RBFOX2: variants seen among roughly 807,000 people sequenced by gnomAD.
RBFOX2 encodes the protein RNA binding fox-1 homolog 2, also known as RNA binding protein fox-1 homolog 2.
RBFOX2 carries 10 observed loss-of-function variants against 49.1 expected under a neutral mutation model. The observed-to-expected ratio is 0.20, with a 90% CI of 0.13 to 0.35. The LOEUF is 0.35. RBFOX2 is among the 10% of genes least tolerant of loss of function. The pLI, the probability that RBFOX2 is intolerant of heterozygous loss-of-function variation, is 1.00. For synonymous variants in RBFOX2, 183 were observed against 187.4 expected (o/e 0.98, Z 0.19); for missense variants, 323 against 486.9 (o/e 0.66, Z 3.17).
At chr22:35,963,057 A>G (rs1183234553), upstream of RBFOX2, among the ~76,000 whole-genome samples, 3 of 125,340 alleles carry the variant, frequency 2.4e-5, no homozygotes, top group Admixed American at 1.6e-4. Context: ...CCAACTCTCC[A>G]GCAAAAAAAA....
At chr22:35,863,989 G>A (rs555437545) in intron 1 of RBFOX2, among the ~76,000 whole-genome samples, 54 of 152,150 alleles carry the variant, frequency 3.5e-4, no homozygotes, top group African/African-American at 1.2e-3. Flanking sequence ...TTAGATCCTG[G>A]TAAAAACTTC....
intron 1 of RBFOX2, among the ~76,000 whole-genome samples, chr22:35,837,177 T>C (rs1419118197): frequency 1.3e-5 from 2 of 152,182 alleles, no homozygotes; most frequent in Non-Finnish European, 1.5e-5. Flanking sequence ...GTAGAGCATA[T>C]GTAATAATAA....
At chr22:35,919,837 T>C (rs2149577977) in intron 1 of RBFOX2, among the ~76,000 whole-genome samples, 1 of 152,358 alleles carries the variant, frequency 6.6e-6, no homozygotes, top group African/African-American at 2.4e-5. Context: ...AATGATTCAC[T>C]TTGCTATTCC....
At chr22:35,950,218 A>G (rs114880804) in intron 1 of RBFOX2, among the ~76,000 whole-genome samples, 48 of 150,854 alleles carry the variant, frequency 3.2e-4, no homozygotes, top group African/African-American at 1.1e-3. Flanking sequence ...TTAAACATCC[A>G]TTCCATCTAT....
upstream of RBFOX2, among the ~76,000 whole-genome samples, chr22:35,939,748 C>T (rs1006836297): frequency 2.0e-5 from 3 of 152,234 alleles, no homozygotes; most frequent in Middle Eastern, 3.4e-3. Context: ...GGTCATATAA[C>T]ATGAACACTC....
At chr22:35,999,406 A>T (rs1016635901) in intron 1 of RBFOX2, 2 of 149,910 alleles carry the variant, frequency 1.3e-5, no homozygotes, top group African/African-American at 4.9e-5. Flanking sequence ...AAAAAAATTT[A>T]GAACTAGCCA....
intron 1 of RBFOX2, among the ~76,000 whole-genome samples, chr22:35,835,852 C>G (rs945525774): frequency 6.6e-6 from 1 of 152,020 alleles, no homozygotes; most frequent in Non-Finnish European, 1.5e-5. Context: ...TTTCAAGAGA[C>G]AATCTTGGCC....
chr22:36,018,355 C>G (rs917131485), intron 1 of RBFOX2, among the ~76,000 whole-genome samples: 3 of 152,064 alleles, frequency 2.0e-5, no homozygotes, highest in Admixed American at 2.0e-4. Context: ...AAAGATTGAG[C>G]CTTACAAATG....
chr22:36,017,095 T>A (rs1221437925), intron 1 of RBFOX2, among the ~76,000 whole-genome samples: 3 of 152,192 alleles, frequency 2.0e-5, no homozygotes, highest in African/African-American at 7.2e-5. Flanking sequence ...TATAAAATAC[T>A]TCTATGAATC....
At chr22:35,859,262 G>C (rs770656514) in intron 1 of RBFOX2, among the ~76,000 whole-genome samples, 19 of 152,088 alleles carry the variant, frequency 1.2e-4, no homozygotes, top group African/African-American at 4.6e-4. Flanking sequence ...AAAAAAACTA[G>C]CGGGAGTTTT....
Position 35,749,393 on chromosome 22 carries a change from T to C in RBFOX2, c.888-2832A>G, listed in dbSNP as rs1934041352. Among the ~76,000 whole-genome samples, 1 of 152,184 alleles carries C rather than the reference T, an allele frequency of 6.6e-6. No individual in the cohort carries two copies. Among genetic ancestry groups the C allele is most frequent in the Non-Finnish European group, 1.5e-5 (1 of 68,034 alleles). ...ACAGAGAAACCTTTAAAAGATGAAC[T>C]ATTTTAGGATAGATAGGCAATATCC... On this transcript the variant is annotated intron_variant, in intron 9 of 11. Transcript: ENST00000405409. This position sits in a 1 kb window ranked among gnomAD's most constrained non-coding sequence, Gnocchi z 4.1.
chr22:36,025,991 G>A (rs1478881006), intron 1 of RBFOX2, among the ~76,000 whole-genome samples: 1 of 152,198 alleles, frequency 6.6e-6, no homozygotes, highest in African/African-American at 2.4e-5. Context: ...AAGGCCGGGT[G>A]TGGTGGCTCA....
intron 1 of RBFOX2, 60 bp downstream of exon 1, chr22:36,028,180 C>A: frequency 7.2e-7 from 1 of 1,398,458 alleles, no homozygotes; most frequent in South Asian, 1.5e-5. Context: ...GCCGGGGAGC[C>A]CGGTGTCGAC....
At chr22:35,836,699 T>C (rs1355548471) in intron 1 of RBFOX2, among the ~76,000 whole-genome samples, 4 of 152,262 alleles carry the variant, frequency 2.6e-5, no homozygotes, top group Non-Finnish European at 4.4e-5. Flanking sequence ...TCTTATACCA[T>C]AGTAGAGTAC....
At chr22:36,028,138 C>A in intron 1 of RBFOX2, 102 bp downstream of exon 1, 2 of 1,322,714 alleles carry the variant, frequency 1.5e-6, no homozygotes, top group Non-Finnish European at 1.9e-6. Context: ...CACCTCCAAC[C>A]CAGGACTCCC....
At chr22:35,987,857 G>C (rs2057789235) in intron 1 of RBFOX2, among the ~76,000 whole-genome samples, 1 of 152,168 alleles carries the variant, frequency 6.6e-6, no homozygotes, top group Admixed American at 6.5e-5. Context: ...ATAATACAAA[G>C]TCTGATATGC....
chr22:36,004,572 G>C (rs1455051270), intron 1 of RBFOX2, among the ~76,000 whole-genome samples: 1 of 152,140 alleles, frequency 6.6e-6, no homozygotes, highest in Non-Finnish European at 1.5e-5. Context: ...GAGGTGGGTA[G>C]ATCACCTGAG....
chr22:35,962,074 A>G (rs1418012691), upstream of RBFOX2, among the ~76,000 whole-genome samples: 1 of 152,230 alleles, frequency 6.6e-6, no homozygotes, highest in Non-Finnish European at 1.5e-5. Context: ...GCAAAAAAAC[A>G]GTTGGGTCAT....
At chr22:35,835,945 G>C (rs1293814090) in intron 1 of RBFOX2, among the ~76,000 whole-genome samples, 1 of 151,558 alleles carries the variant, frequency 6.6e-6, no homozygotes, top group Non-Finnish European at 1.5e-5. Flanking sequence ...AAAAAGTGAG[G>C]CTTTTTTTTT....
Sources: gnomAD v4.1 joint callset for allele counts (sites outside exome capture counted in the v4.1 genomes callset) on GRCh38, gnomAD v4.1.1 for gene constraint, Gnocchi (gnomAD v3.1) non-coding constraint, MANE v1.5 for transcripts, NCBI Gene and HGNC (gene_info 2026-07-23, HGNC 2026-07-21) for gene names.